SDCCAG8: variants seen among roughly 807,000 people sequenced by gnomAD.
The protein encoded by SDCCAG8 is serologically defined colon cancer antigen 8.
SDCCAG8 carries 74 observed loss-of-function variants against 101.8 expected under a neutral mutation model. The ratio of observed to expected loss-of-function variants is 0.73; its 90% CI spans 0.60 to 0.88. The LOEUF is 0.88. Ranked by LOEUF, SDCCAG8 falls within the 40% of genes least tolerant of loss-of-function variation. The pLI is 0.00. For missense variants in SDCCAG8, 787 were observed against 822.6 expected (o/e 0.96, Z 0.53); for synonymous variants, 281 against 292.9 (o/e 0.96, Z 0.41).
At chr1:243,300,160 G>C (rs556295092) in intron 6 of SDCCAG8, among the ~76,000 whole-genome samples, 1 of 152,082 alleles carries the variant, frequency 6.6e-6, no homozygotes, top group Non-Finnish European at 1.5e-5. Context: ...ACTGTGCCTG[G>C]CCATGAATTA....
At chr1:243,256,296 G>T in intron 1 of SDCCAG8, 56 bp downstream of exon 1, 1 of 1,466,052 alleles carries the variant, frequency 6.8e-7, no homozygotes, top group Non-Finnish European at 9.6e-7. Flanking sequence ...CCTAGTGGGC[G>T]GGAGCAGACC....
intron 4 of SDCCAG8, among the ~76,000 whole-genome samples, chr1:243,284,387 G>A (rs1282346268): frequency 6.6e-6 from 1 of 152,200 alleles, no homozygotes; most frequent in East Asian, 1.9e-4. Flanking sequence ...GAGATATGCA[G>A]TTCTTTCTGT....
chr1:243,397,304 A>G (rs765095912), intron 13 of SDCCAG8, among the ~76,000 whole-genome samples: 4 of 152,204 alleles, frequency 2.6e-5, no homozygotes, highest in Non-Finnish European at 4.4e-5. Flanking sequence ...TGCGATTGAA[A>G]TACATTCATC....
chr1:243,450,359 C>T (rs981799383), intron 16 of SDCCAG8, among the ~76,000 whole-genome samples: 2 of 152,168 alleles, frequency 1.3e-5, no homozygotes, highest in Admixed American at 6.5e-5. Context: ...GTTTGAACTC[C>T]CCTGGCTTCA....
At chr1:243,475,439 C>G (rs537838772) in intron 16 of SDCCAG8, among the ~76,000 whole-genome samples, 54 of 152,212 alleles carry the variant, frequency 3.5e-4, no homozygotes, top group Non-Finnish European at 7.2e-4. Context: ...GAAGAAGGCC[C>G]CTGCTCCCCC....
chr1:243,499,969 G>T lies in SDCCAG8; in HGVS notation c.*184G>T. On this transcript the variant is annotated 3_prime_UTR_variant, in exon 18 of 18. Coordinates refer to ENST00000366541, the MANE Select transcript of SDCCAG8 (RefSeq NM_006642.5). ...CGCAGTCGGGCTGGAGCTGGAGTCT[G>T]ACTCTAGCTGAGCAGAGCTCCTGGT... is the stretch of plus-strand genomic sequence containing the variant. The T allele has an allele frequency of 1.5e-6, 1 of 648,204 alleles. No homozygotes were observed. The highest frequency in any genetic ancestry group is 2.8e-6 in the Non-Finnish European group (1 of 358,214). 40.2% of individuals were successfully genotyped at this position (648,204 alleles called of 1,614,324 possible).
intron 16 of SDCCAG8, among the ~76,000 whole-genome samples, chr1:243,456,449 CAGAGT>C (rs953826730): frequency 1.3e-5 from 2 of 152,066 alleles, no homozygotes; most frequent in Non-Finnish European, 2.9e-5. Flanking sequence ...GATGTAGTGG[CAGAGT>C]AAATAGTATT....
intron 16 of SDCCAG8, among the ~76,000 whole-genome samples, chr1:243,453,869 A>C (rs2148135331): frequency 6.6e-6 from 1 of 152,352 alleles, no homozygotes; most frequent in South Asian, 2.1e-4. Context: ...GATGTTTACA[A>C]AAGCCAACCT....
At chr1:243,461,011 A>G (rs974193193) in intron 16 of SDCCAG8, among the ~76,000 whole-genome samples, 16 of 152,292 alleles carry the variant, frequency 1.1e-4, no homozygotes, top group African/African-American at 3.6e-4. Context: ...AATGAAAAAC[A>G]CTTTTTTGGC....
In SDCCAG8 at chr1:243,496,893, T is replaced by C. The variant is rs538144917; in HGVS notation, c.2113-2863T>C. Among the ~76,000 whole-genome samples the C allele has an allele frequency of 1.8e-3, 273 of 152,308 alleles. 1 individual carries two copies. The highest frequency in any genetic ancestry group is 9.6e-4 in the Non-Finnish European group (65 of 68,014). ...GGGTTAGCAGCTGTGTGCCTGCAGA[T>C]GGGGGCACGTTTCCACCACCTGTGG... On this transcript the variant is annotated intron_variant, in intron 17 of 17. Transcript: ENST00000366541.
chr1:243,415,645 A>G, intron 13 of SDCCAG8, 57 bp from the exon 14 acceptor site: 1 of 1,612,254 alleles, frequency 6.2e-7, no homozygotes, highest in South Asian at 1.1e-5. Flanking sequence ...AGGGGACATG[A>G]TGGGGGTTTG....
chr1:243,265,825 A>C (rs1159811978), intron 1 of SDCCAG8, among the ~76,000 whole-genome samples: 1 of 152,170 alleles, frequency 6.6e-6, no homozygotes, highest in Non-Finnish European at 1.5e-5. Flanking sequence ...AAAAAAAAAA[A>C]AACTCCTGCC....
chr1:243,408,274 T>C (rs1190354433), intron 13 of SDCCAG8, among the ~76,000 whole-genome samples: 1 of 152,196 alleles, frequency 6.6e-6, no homozygotes, highest in Non-Finnish European at 1.5e-5. Flanking sequence ...GATAAATTAG[T>C]GAGCAAAACA....
At chr1:243,375,499 A>G (rs1261878779) in intron 12 of SDCCAG8, among the ~76,000 whole-genome samples, 1 of 152,168 alleles carries the variant, frequency 6.6e-6, no homozygotes, top group Non-Finnish European at 1.5e-5. Flanking sequence ...TCCAAATTCG[A>G]TCCCCAGTAC....
chr1:243,287,861 A>T (rs1199355414), intron 5 of SDCCAG8, among the ~76,000 whole-genome samples: 2 of 152,232 alleles, frequency 1.3e-5, no homozygotes, highest in Non-Finnish European at 2.9e-5. Flanking sequence ...AATTAGGCAG[A>T]CAAGTGAATC....
chr1:243,486,811 C>G (rs1366968064), intron 16 of SDCCAG8, among the ~76,000 whole-genome samples: 1 of 152,226 alleles, frequency 6.6e-6, no homozygotes, highest in Non-Finnish European at 1.5e-5. Flanking sequence ...TCTTGCCATG[C>G]AGCCATGTCA....
At chr1:243,482,212 G>T (rs575325126) in intron 16 of SDCCAG8, among the ~76,000 whole-genome samples, 1 of 152,310 alleles carries the variant, frequency 6.6e-6, no homozygotes, top group East Asian at 1.9e-4. Flanking sequence ...GCTCTATAAA[G>T]TTGTTTTGTA....
chr1:243,456,589 C>A (rs2083774264), intron 16 of SDCCAG8, among the ~76,000 whole-genome samples: 1 of 152,050 alleles, frequency 6.6e-6, no homozygotes, highest in African/African-American at 2.4e-5. Flanking sequence ...ATCAAGAAAG[C>A]TAGATTTTTT....
At chr1:243,355,229 C>T (rs2076316603) in intron 12 of SDCCAG8, among the ~76,000 whole-genome samples, 1 of 152,066 alleles carries the variant, frequency 6.6e-6, no homozygotes, top group African/African-American at 2.4e-5. Context: ...TTCTGCCATC[C>T]CTGAAAATTT....
Sources: allele counts gnomAD v4.1 joint callset (sites outside exome capture counted in the v4.1 genomes callset), GRCh38; gene constraint gnomAD v4.1.1; transcripts MANE v1.5; gene names NCBI Gene and HGNC (gene_info 2026-07-23, HGNC 2026-07-21).